LYN: variants seen among roughly 807,000 people sequenced by gnomAD.
LYN encodes LYN proto-oncogene, Src family tyrosine kinase.
A neutral mutation model predicts 65.0 loss-of-function variants in LYN; 12 were observed. The observed-to-expected ratio is 0.18, with a 90% CI of 0.12 to 0.30. LYN has a LOEUF of 0.30. Among genes scored for constraint, LYN ranks in the 10% least tolerant of loss-of-function variants. The pLI, the probability that LYN is intolerant of heterozygous loss-of-function variation, is 1.00. For synonymous variants in LYN, 222 were observed against 221.2 expected, an observed-to-expected ratio of 1.00 and a Z score of -0.03; for missense variants, 380 against 623.2, an observed-to-expected ratio of 0.61 and a Z score of 4.16.
rs1217583339 is a variant in LYN at position 56,010,990 on chromosome 8, G to C, written c.*880G>C. ...AAGAACTAAGATTCTAATCTCTGAA[G>C]AACCTTATAGGGCCTTCTAAAACAT... On this transcript the variant is annotated 3_prime_UTR_variant, in exon 13 of 13. Transcript: ENST00000519728. The C allele has an allele frequency of 1.7e-5, 4 of 232,308 alleles. No individual in the cohort carries two copies. The highest frequency in any genetic ancestry group is 3.4e-5 in the Non-Finnish European group (4 of 117,594). 14.4% of individuals were successfully genotyped at this position (232,308 alleles called of 1,614,324 possible).
intron 1 of LYN, among the ~76,000 whole-genome samples, chr8:55,890,117 C>CAAAAAAAAAAAAAAAAA (rs34706733): frequency 4.8e-4 from 38 of 79,072 alleles, no homozygotes; most frequent in Admixed American, 6.7e-4. Context: ...CCTCTATAGA[C>CAAAAAAAAAAAAAAAAA]AAAAAAAAAA....
Position 55,947,747 on chromosome 8 carries a change from G to C in LYN, c.284+24G>C. ...GAGTAAGTGCTCTCAAGCACGCCAC[G>C]GCTGCTCGTTTCCTCAGGCCACTGA... On this transcript the variant is annotated intron_variant, in intron 4 of 12. Coordinates refer to ENST00000519728, the MANE Select transcript of LYN (RefSeq NM_002350.4). 2.0e-6 allele frequency: 3 copies of C among 1,526,452 alleles called. No homozygotes were observed. The South Asian group carries it at 3.4e-5, about 17-fold the overall frequency. 94.6% of individuals were successfully genotyped at this position (1,526,452 alleles called of 1,614,324 possible).
chr8:55,949,239 C>G (rs1322297093), intron 4 of LYN, among the ~76,000 whole-genome samples: 1 of 152,258 alleles, frequency 6.6e-6, no homozygotes, highest in Non-Finnish European at 1.5e-5. Context: ...CCTTGACTCT[C>G]ATTTCTATAA....
At position 55,918,093 on chromosome 8, in the gene LYN, G is replaced by T. The variant is rs143905761; in HGVS notation, c.-5-23762G>T. Among the ~76,000 whole-genome samples, 372 of 152,254 alleles carry T rather than the reference G, an allele frequency of 2.4e-3. 1 individual carries two copies. Among genetic ancestry groups the T allele is most frequent in the African/African-American group, 8.6e-3 (356 of 41,558 alleles). On this transcript the variant is annotated intron_variant, in intron 1 of 12. Coordinates refer to ENST00000519728, the MANE Select transcript of LYN (RefSeq NM_002350.4). The stretch of plus-strand genomic sequence containing the variant: ...CCAGGGTGGTCTGGGCTGTGGTAGC[G>T]GCAGCAGCAGCTTGCAGATCTCCCA...
chr8:55,885,669 G>A (rs1279745153), intron 1 of LYN, among the ~76,000 whole-genome samples: 2 of 152,182 alleles, frequency 1.3e-5, no homozygotes. Flanking sequence ...TAACCCCCAC[G>A]GAGGTGAGGG....
chr8:55,882,731 C>T (rs1234878938), intron 1 of LYN, among the ~76,000 whole-genome samples: 3 of 152,186 alleles, frequency 2.0e-5, no homozygotes, highest in African/African-American at 7.2e-5. Context: ...TCTTCCTGAA[C>T]TCTAATTTCA....
At chr8:55,986,016 A>C (rs1327694141) in intron 10 of LYN, among the ~76,000 whole-genome samples, 1 of 152,104 alleles carries the variant, frequency 6.6e-6, no homozygotes, top group Non-Finnish European at 1.5e-5. Flanking sequence ...AAAAATAAAC[A>C]AAATTAGTTG....
intron 10 of LYN, among the ~76,000 whole-genome samples, chr8:55,971,099 T>C (rs1332642743): frequency 6.6e-6 from 1 of 152,178 alleles, no homozygotes; most frequent in Non-Finnish European, 1.5e-5. Context: ...TTGGCAAGCC[T>C]AACAGGTTCC....
chr8:55,961,158 A>T (rs1585641732), intron 8 of LYN, among the ~76,000 whole-genome samples: 1 of 152,116 alleles, frequency 6.6e-6, no homozygotes, highest in Admixed American at 6.6e-5. Context: ...TTTTTTAAAA[A>T]CCACTCTCCC....
At chr8:55,894,280 G>A (rs1197431459) in intron 1 of LYN, among the ~76,000 whole-genome samples, 2 of 151,914 alleles carry the variant, frequency 1.3e-5, no homozygotes, top group African/African-American at 4.8e-5. Flanking sequence ...GGCTCCTGCA[G>A]CCTCCACCTC....
intron 1 of LYN, among the ~76,000 whole-genome samples, chr8:55,915,546 A>G (rs769414598): frequency 1.1e-4 from 16 of 152,108 alleles, no homozygotes; most frequent in Non-Finnish European, 1.5e-4. Context: ...CTCTACTAAA[A>G]ATACAAAAAA....
At chr8:56,006,804 C>T (rs1326301209) in intron 12 of LYN, among the ~76,000 whole-genome samples, 4 of 152,202 alleles carry the variant, frequency 2.6e-5, no homozygotes, top group Admixed American at 6.5e-5. Context: ...TTTAACTTAG[C>T]GACAGGCCAA....
rs1804608448 is a variant in LYN at position 55,880,158 on chromosome 8, A to G, written c.-6+55A>G. 7 of 198,528 alleles carry G rather than the reference A, an allele frequency of 3.5e-5. No individual in the cohort carries two copies. The South Asian group carries it at 4.0e-4, about 11-fold the overall frequency. 12.3% of individuals were successfully genotyped at this position (198,528 alleles called of 1,614,324 possible). On this transcript the variant is annotated intron_variant, in intron 1 of 12. Coordinates refer to ENST00000519728, the MANE Select transcript of LYN (RefSeq NM_002350.4). Reference sequence around the variant, plus strand: ...GCGCGGGCACGCGGGCAGTGGGTGCAGGGGCCGCGGCTGTGCCACCAGCCG... The same window carrying G: ...GCGCGGGCACGCGGGCAGTGGGTGCGGGGGCCGCGGCTGTGCCACCAGCCG...
chr8:55,998,755 CAAAT>C (rs1463115511), intron 11 of LYN, among the ~76,000 whole-genome samples: 1 of 152,152 alleles, frequency 6.6e-6, no homozygotes, highest in Non-Finnish European at 1.5e-5. Flanking sequence ...ATGCAAAACA[CAAAT>C]AGATTCAGCA....
rs544669775 is a variant in LYN at position 55,959,575 on chromosome 8, A to G, written c.790+5591A>G. ...AAGAAATTGCCCAGGGTTTCCCACT[A>G]AATAGAAGTTGTTTGTATTTTTGCT... On this transcript the variant is annotated intron_variant, in intron 8 of 12. Coordinates refer to ENST00000519728, the MANE Select transcript of LYN (RefSeq NM_002350.4). 5.3e-5 allele frequency among the ~76,000 whole-genome samples: 8 copies of G among 152,358 alleles called. No individual in the cohort carries two copies. In the South Asian group the frequency reaches 1.2e-3, roughly 24 times the overall value.
At chr8:55,990,889 A>C (rs908745933) in intron 10 of LYN, among the ~76,000 whole-genome samples, 3 of 152,202 alleles carry the variant, frequency 2.0e-5, no homozygotes, top group Non-Finnish European at 4.4e-5. Flanking sequence ...ACATGTTTTA[A>C]ACCTCATACC....
intron 1 of LYN, among the ~76,000 whole-genome samples, chr8:55,885,612 T>G (rs1804769808): frequency 6.6e-6 from 1 of 152,214 alleles, no homozygotes. Context: ...CAATGACGTC[T>G]TCTTGGTGTT....
Position 55,974,081 on chromosome 8 carries a change from G to A in LYN, c.1050+4288G>A, listed in dbSNP as rs190683196. On this transcript the variant is annotated intron_variant, in intron 10 of 12. Transcript: ENST00000519728. Reference sequence around the variant, plus strand: ...TTGAAAGCATATATTTTGTTGTTTAGTACCTCTTACAGATAACGAGGTAAA... The same window carrying A: ...TTGAAAGCATATATTTTGTTGTTTAATACCTCTTACAGATAACGAGGTAAA... 1.9e-3 allele frequency among the ~76,000 whole-genome samples: 283 copies of A among 152,270 alleles called. 4 individuals are homozygous for A. The highest frequency in any genetic ancestry group is 6.3e-3 in the African/African-American group (263 of 41,560).
At chr8:55,957,449 G>A (rs1807154311) in intron 8 of LYN, among the ~76,000 whole-genome samples, 1 of 152,198 alleles carries the variant, frequency 6.6e-6, no homozygotes. Flanking sequence ...TAATCAGGAT[G>A]TACTGGTTCA....
Sources: gnomAD v4.1 joint callset for allele counts (sites outside exome capture counted in the v4.1 genomes callset) on GRCh38, gnomAD v4.1.1 for gene constraint, MANE v1.5 for transcripts, NCBI Gene and HGNC (gene_info 2026-07-23, HGNC 2026-07-21) for gene names.